ZNF521: variants seen among roughly 807,000 people sequenced by gnomAD.
The protein encoded by ZNF521 is zinc finger protein 521.
A neutral mutation model predicts 105.5 loss-of-function variants in ZNF521; 14 were observed. That is an observed-to-expected ratio of 0.13 (90% confidence interval 0.09 to 0.21). The LOEUF (loss-of-function observed/expected upper bound fraction) is 0.21. Ranked by LOEUF, ZNF521 falls within the 10% of genes least tolerant of loss-of-function variation. ZNF521 has a pLI of 1.00. For synonymous variants in ZNF521, 635 were observed against 606.0 expected, an observed-to-expected ratio of 1.05 and a Z score of -0.70; for missense variants, 1,233 against 1,629.7, an observed-to-expected ratio of 0.76 and a Z score of 4.19.
rs1488737247 is a variant in ZNF521, at chr18:25,224,825, G to A, written c.3093C>T (p.Ser1031=). The change falls in exon 4 of 8, where the codon TCC becomes TCT. Residue 1031 remains serine (S), a synonymous_variant. Coordinates refer to ENST00000361524, the MANE Select transcript of ZNF521 (RefSeq NM_015461.3). ...TCCCATGGATTTTGAGTTCCAAGGT[G>A]GAGGTCACTGTCTGCATGCACACCA... ...RCVVCMQTVT[S]TLELKIHGTF... The A allele has an allele frequency of 1.2e-6, 2 of 1,614,034 alleles. No individual in the cohort carries two copies. The highest frequency in any genetic ancestry group is 2.2e-5 in the South Asian group (2 of 91,068).
At chr18:25,185,917 A>C (rs2035714214) in intron 5 of ZNF521, among the ~76,000 whole-genome samples, 2 of 152,212 alleles carry the variant, frequency 1.3e-5, no homozygotes, top group Non-Finnish European at 2.9e-5. Context: ...TAAAAGGAAA[A>C]GATAAAGAAT....
chr18:25,253,518 A>T (rs1908257446), intron 3 of ZNF521, among the ~76,000 whole-genome samples: 1 of 152,126 alleles, frequency 6.6e-6, no homozygotes, highest in Non-Finnish European at 1.5e-5. Flanking sequence ...ATTCTATTTG[A>T]TCTCCTTCAA....
At chr18:25,297,237 T>A (rs1911375534) in intron 3 of ZNF521, among the ~76,000 whole-genome samples, 1 of 151,994 alleles carries the variant, frequency 6.6e-6, no homozygotes, top group African/African-American at 2.4e-5. Context: ...ACACTAGATA[T>A]ACGTAAAGAA....
chr18:25,350,587 A>AT (rs1057501230), intron 2 of ZNF521, among the ~76,000 whole-genome samples: 13 of 146,824 alleles, frequency 8.9e-5, no homozygotes, highest in Non-Finnish European at 1.8e-4. Context: ...CAGACGGGAT[A>AT]TTTTTTTTTC....
At chr18:25,186,206 C>T (rs2035719974) in intron 5 of ZNF521, among the ~76,000 whole-genome samples, 1 of 152,290 alleles carries the variant, frequency 6.6e-6, no homozygotes, top group East Asian at 1.9e-4. Context: ...TTGGTTAATT[C>T]TTGCTCTATG....
At chr18:25,063,190 G>A (rs4073763) in intron 7 of ZNF521, among the ~76,000 whole-genome samples, 4,401 of 152,298 alleles carry the variant, frequency 0.029, 213 homozygotes, top group African/African-American at 0.1. Context: ...GGATCTGTGC[G>A]TGATTTCCAT....
chr18:25,089,449 C>T lies in ZNF521; in HGVS notation c.3906+16G>A, dbSNP rs770559597. On this transcript the variant is annotated intron_variant, in intron 7 of 7. Coordinates refer to ENST00000361524, the MANE Select transcript of ZNF521 (RefSeq NM_015461.3). The stretch of plus-strand genomic sequence containing the variant: ...GCAACTGAGTTCAATCCCAGTCCTC[C>T]CCATGAGGACATTACCTGCAGCTCT... 2.5e-6 allele frequency: 4 copies of T among 1,570,818 alleles called. No homozygotes were observed. The highest frequency in any genetic ancestry group is 3.3e-5 in the Admixed American group (2 of 59,956).
At chr18:25,274,377 A>T (rs1012111566) in intron 3 of ZNF521, among the ~76,000 whole-genome samples, 3 of 152,180 alleles carry the variant, frequency 2.0e-5, no homozygotes, top group South Asian at 2.1e-4. Flanking sequence ...CTGATGACCA[A>T]ATCCTCCCAG....
intron 5 of ZNF521, among the ~76,000 whole-genome samples, chr18:25,142,438 C>T (rs988655227): frequency 1.9e-4 from 29 of 152,160 alleles, no homozygotes; most frequent in African/African-American, 6.0e-4. Flanking sequence ...ATAACATCAT[C>T]GGAACTGGCC....
chr18:25,137,251 T>C (rs1333913505), intron 5 of ZNF521, among the ~76,000 whole-genome samples: 3 of 152,152 alleles, frequency 2.0e-5, no homozygotes, highest in African/African-American at 7.2e-5. Flanking sequence ...CAAATAGCTT[T>C]CCTTTTAAAA....
In ZNF521 at chr18:25,307,307, C is replaced by T. The variant is rs189259813; in HGVS notation, c.220+14701G>A. Among the ~76,000 whole-genome samples, 24 of 152,278 alleles carry T rather than the reference C, an allele frequency of 1.6e-4. No homozygotes were observed. In the East Asian group the frequency reaches 3.1e-3, roughly 20 times the overall value. On this transcript the variant is annotated intron_variant, in intron 3 of 7. Transcript: ENST00000361524. ...CCCTGCATAAAATCTTTGATGGTTACCCACTGCCTAAAACAGTAATTATTG... is the reference window on the plus strand; with the variant it reads ...CCCTGCATAAAATCTTTGATGGTTATCCACTGCCTAAAACAGTAATTATTG...
At chr18:25,307,722 A>G (rs1381326333) in intron 3 of ZNF521, among the ~76,000 whole-genome samples, 2 of 152,220 alleles carry the variant, frequency 1.3e-5, no homozygotes, top group African/African-American at 4.8e-5. Context: ...GGATGAAGTC[A>G]TAAAAGACAC....
At chr18:25,174,984 G>C in intron 5 of ZNF521, among the ~76,000 whole-genome samples, 1 of 152,092 alleles carries the variant, frequency 6.6e-6, no homozygotes, top group African/African-American at 2.4e-5. Flanking sequence ...AAGGTCCAGC[G>C]GTAAAAGCGA....
intron 5 of ZNF521, among the ~76,000 whole-genome samples, chr18:25,192,130 C>A (rs1385111359): frequency 6.6e-6 from 1 of 152,010 alleles, no homozygotes; most frequent in Non-Finnish European, 1.5e-5. Context: ...GAAAAGAAAC[C>A]CCTGAATAGT....
intron 5 of ZNF521, among the ~76,000 whole-genome samples, chr18:25,154,413 C>T (rs749888992): frequency 6.4e-4 from 97 of 152,060 alleles, no homozygotes; most frequent in Non-Finnish European, 1.0e-3. Context: ...AGGTGAATAC[C>T]TGAGTCATTC....
At chr18:25,316,451 G>A (rs961495331) in intron 3 of ZNF521, among the ~76,000 whole-genome samples, 63 of 132,174 alleles carry the variant, frequency 4.8e-4, no homozygotes, top group African/African-American at 1.7e-3. Context: ...TGGGGGGTGG[G>A]GAAGCAGCAA....
chr18:25,091,013 AT>A (rs1296930233), intron 6 of ZNF521, among the ~76,000 whole-genome samples: 1 of 152,220 alleles, frequency 6.6e-6, no homozygotes, highest in African/African-American at 2.4e-5. Flanking sequence ...TCAGTTAGTA[AT>A]TGTGCTAGCT....
intron 5 of ZNF521, among the ~76,000 whole-genome samples, chr18:25,134,236 C>T (rs1027900618): frequency 1.4e-4 from 21 of 152,254 alleles, no homozygotes; most frequent in African/African-American, 5.1e-4. Context: ...GGAACCATCC[C>T]ACAGTCTCCA....
chr18:25,332,112 A>C (rs2145179059), intron 2 of ZNF521, among the ~76,000 whole-genome samples: 1 of 151,866 alleles, frequency 6.6e-6, no homozygotes, highest in Admixed American at 6.5e-5. Flanking sequence ...TGGCTGTCAA[A>C]CTGGGAATCA....
Sources: allele counts gnomAD v4.1 joint callset (sites outside exome capture counted in the v4.1 genomes callset), GRCh38; gene constraint gnomAD v4.1.1; transcripts MANE v1.5; gene names NCBI Gene and HGNC (gene_info 2026-07-23, HGNC 2026-07-21).